Variants in DAB1 observed in about 807,000 individuals in gnomAD.
The protein encoded by DAB1 is DAB adaptor protein 1.
A neutral mutation model predicts 64.6 loss-of-function variants in DAB1; 15 were observed. The observed-to-expected ratio is 0.23, with a 90% confidence interval of 0.16 to 0.36. The LOEUF (loss-of-function observed/expected upper bound fraction) is 0.36, where lower values mean the gene tolerates loss of function less well. Among genes scored for constraint, DAB1 ranks in the 10% least tolerant of loss-of-function variants. The probability of loss-of-function intolerance (pLI) is 1.00; values close to 1 mark genes in which losing one functional copy is unlikely to be tolerated. For missense variants in DAB1, 596 were observed against 706.7 expected, an observed-to-expected ratio of 0.84 and a Z score of 1.78; for synonymous variants, 235 against 251.9, an observed-to-expected ratio of 0.93 and a Z score of 0.64.
chr1:58,159,201 C>G (rs17117046), intron 4 of DAB1, among the ~76,000 whole-genome samples: 2,530 of 152,240 alleles, frequency 0.017, 66 homozygotes, highest in South Asian at 0.1. Context: ...AAAGTCCCTA[C>G]CTTAGTGTTA....
chr1:57,724,288 AAGG>A (rs1458167201), intron 6 of DAB1, among the ~76,000 whole-genome samples: 280 of 114,368 alleles, frequency 2.4e-3, no homozygotes, highest in South Asian at 0.011. Context: ...GGAAGGAACG[AAGG>A]AAGGAAGGAA....
intron 6 of DAB1, among the ~76,000 whole-genome samples, chr1:57,730,179 G>T (rs1647349419): frequency 1.3e-5 from 2 of 152,230 alleles, no homozygotes; most frequent in African/African-American, 4.8e-5. Context: ...GGGCAAAAGT[G>T]TTCAGGACAA....
chr1:57,978,894 A>G (rs1645991182), intron 5 of DAB1, among the ~76,000 whole-genome samples: 2 of 152,212 alleles, frequency 1.3e-5, no homozygotes, highest in Admixed American at 1.3e-4. Flanking sequence ...AATGGCGATC[A>G]TTAAAACATC....
chr1:58,114,341 T>G lies in DAB1; in HGVS notation n.387+36170A>C, dbSNP rs140362889. Among the ~76,000 whole-genome samples the G allele has an allele frequency of 4.0e-3, 608 of 152,286 alleles. 4 individuals are homozygous for G. Among genetic ancestry groups the G allele is most frequent in the Middle Eastern group, 6.8e-3 (2 of 294 alleles). Reference sequence around the variant, plus strand: ...TAGAGCCTCCTGAAGGAGAAAGAAATGGCTTCCTATCCATTCTCATCCATA... The same window carrying G: ...TAGAGCCTCCTGAAGGAGAAAGAAAGGGCTTCCTATCCATTCTCATCCATA... On this transcript the variant is annotated intron_variant and non_coding_transcript_variant, in intron 5 of 20. Coordinates refer to the DAB1 transcript ENST00000485760.
At chr1:57,581,189 A>G (rs1343099881) in intron 7 of DAB1, among the ~76,000 whole-genome samples, 1 of 152,220 alleles carries the variant, frequency 6.6e-6, no homozygotes, top group Non-Finnish European at 1.5e-5. Context: ...TCTTCACTTG[A>G]CAAAGGTAAA....
At chr1:57,052,316 A>G (rs1243572504) in intron 9 of DAB1, among the ~76,000 whole-genome samples, 1 of 152,200 alleles carries the variant, frequency 6.6e-6, no homozygotes, top group Non-Finnish European at 1.5e-5. Context: ...CTGGGATGTC[A>G]TATCTGATCA....
chr1:57,689,049 C>A (rs988725064), intron 6 of DAB1, among the ~76,000 whole-genome samples: 1 of 152,016 alleles, frequency 6.6e-6, no homozygotes, highest in Non-Finnish European at 1.5e-5. Flanking sequence ...GCACATGTAC[C>A]CATTGTATCT....
At chr1:57,197,467 A>C (rs482471) in intron 2 of DAB1, among the ~76,000 whole-genome samples, 74,124 of 151,836 alleles carry the variant, frequency 0.49, 18,566 homozygotes, top group African/African-American at 0.58. Flanking sequence ...GAACTTCGTG[A>C]AGCACTTTAT....
chr1:58,512,989 T>C (rs922145399), intron 2 of DAB1, among the ~76,000 whole-genome samples: 2 of 152,214 alleles, frequency 1.3e-5, no homozygotes, highest in African/African-American at 4.8e-5. Context: ...TCTAATTCTT[T>C]TGCTTCAAGA....
At chr1:58,267,284 C>A (rs642295) in intron 4 of DAB1, among the ~76,000 whole-genome samples, 101,037 of 152,044 alleles carry the variant, frequency 0.66, 34,605 homozygotes, top group East Asian at 0.87. Context: ...GCTCTGACAA[C>A]TAAAATCTTG....
intron 2 of DAB1, among the ~76,000 whole-genome samples, chr1:57,191,735 A>G (rs1315054265): frequency 6.6e-6 from 1 of 152,152 alleles, no homozygotes; most frequent in Admixed American, 6.5e-5. Context: ...AGCTTATCAT[A>G]TACCATGGTG....
At chr1:57,168,093 T>C (rs1273785764) in intron 2 of DAB1, among the ~76,000 whole-genome samples, 1 of 152,208 alleles carries the variant, frequency 6.6e-6, no homozygotes, top group Non-Finnish European at 1.5e-5. Flanking sequence ...CCCTAGATAA[T>C]TATATGGTCT....
At chr1:57,811,950 C>T (rs1021245616) in intron 6 of DAB1, among the ~76,000 whole-genome samples, 1 of 152,160 alleles carries the variant, frequency 6.6e-6, no homozygotes, top group Non-Finnish European at 1.5e-5. Context: ...AGTAGGAAGT[C>T]ACCAAAGGAC....
intron 2 of DAB1, among the ~76,000 whole-genome samples, chr1:57,260,679 A>G (rs1670116684): frequency 6.6e-6 from 1 of 152,186 alleles, no homozygotes; most frequent in Admixed American, 6.5e-5. Flanking sequence ...CAACTGAGGC[A>G]CAGAGAAGTC....
chr1:58,050,773 C>T (rs1394201638), intron 5 of DAB1, among the ~76,000 whole-genome samples: 1 of 152,122 alleles, frequency 6.6e-6, no homozygotes, highest in African/African-American at 2.4e-5. Context: ...TCGTGATCCG[C>T]CCGCCTCGGC....
intron 1 of DAB1, among the ~76,000 whole-genome samples, chr1:57,869,277 T>C (rs1488474200): frequency 6.6e-6 from 1 of 152,134 alleles, no homozygotes; most frequent in Admixed American, 6.6e-5. Context: ...GCTAAGTTCC[T>C]GGCATTTAGG....
At chr1:57,863,854 C>A (rs1443188831) in intron 1 of DAB1, among the ~76,000 whole-genome samples, 2 of 152,152 alleles carry the variant, frequency 1.3e-5, no homozygotes, top group Non-Finnish European at 2.9e-5. Flanking sequence ...TGGAACATAG[C>A]TCACATGTGA....
At chr1:57,816,875 C>T (rs527387669) in intron 6 of DAB1, among the ~76,000 whole-genome samples, 161 of 152,270 alleles carry the variant, frequency 1.1e-3, no homozygotes, top group African/African-American at 3.6e-3. Flanking sequence ...CCGGGTACTG[C>T]GCTAACCAAG....
chr1:57,010,787 C>T lies in DAB1; in HGVS notation c.1576G>A (p.Asp526Asn). ...PSKSEEQEAP[D>N]GSQASSNSDP... ...CTGTTGGATGAGGCCTGTGATCCAT[C>T]AGGCTAGAACACAAGAAGATAATAC... The change falls in exon 14 of 15, where the codon GAT becomes AAT. Residue 526 changes from aspartate (D) to asparagine (N), a missense_variant. Asp to Asn is a conservative substitution (Grantham distance 23). This residue lies in a region of DAB1 where 377 missense variants were observed against 400.4 expected (regional missense o/e 0.94). Coordinates refer to ENST00000371236, the MANE Select transcript of DAB1 (RefSeq NM_001365792.1). 2 of 1,556,412 alleles carry T rather than the reference C, an allele frequency of 1.3e-6. No individual in the cohort carries two copies. Among genetic ancestry groups the T allele is most frequent in the Non-Finnish European group, 1.7e-6 (2 of 1,151,332 alleles).
Sources: gnomAD v4.1 joint callset for allele counts (sites outside exome capture counted in the v4.1 genomes callset) on GRCh38, gnomAD v4.1.1 for gene constraint, gnomAD v4.1.1 regional missense constraint, MANE v1.5 for transcripts, NCBI Gene and HGNC (gene_info 2026-07-23, HGNC 2026-07-21) for gene names.